NOX4: variants seen among roughly 807,000 people sequenced by gnomAD.
NOX4 encodes NADPH oxidase 4.
In NOX4, 69 loss-of-function variants were observed where a neutral mutation model predicts 87.6. The observed-to-expected ratio is 0.79, with a 90% CI of 0.65 to 0.96. The LOEUF (loss-of-function observed/expected upper bound fraction) is 0.96, where lower values mean the gene tolerates loss of function less well. Ranked by LOEUF, NOX4 falls within the 40% of genes least tolerant of loss-of-function variation. The pLI, the probability that NOX4 is intolerant of heterozygous loss-of-function variation, is 0.00. For missense variants in NOX4, 680 were observed against 681.5 expected, an observed-to-expected ratio of 1.00 and a Z score of 0.02; for synonymous variants, 275 against 238.2, an observed-to-expected ratio of 1.15 and a Z score of -1.42.
chr11:89,563,857 A>T, the NOX4 span, among the ~76,000 whole-genome samples: 1 of 152,188 alleles, frequency 6.6e-6, no homozygotes, highest in African/African-American at 2.4e-5. Context: ...AATAAATTTT[A>T]CAGTATTTCG....
At chr11:89,442,870 A>T (rs1357631808) in intron 5 of NOX4, among the ~76,000 whole-genome samples, 1 of 152,198 alleles carries the variant, frequency 6.6e-6, no homozygotes, top group African/African-American at 2.4e-5. Context: ...AAAAGAGAAG[A>T]AAAGAAGGAA....
intron 6 of NOX4, among the ~76,000 whole-genome samples, chr11:89,438,920 A>T (rs1172904527): frequency 1.7e-4 from 9 of 53,908 alleles, no homozygotes; most frequent in Admixed American, 4.0e-4. Context: ...ATAATATAAA[A>T]TATATATAAT....
chr11:89,332,794 T>A (rs1445663366), intron 17 of NOX4, among the ~76,000 whole-genome samples: 1 of 151,888 alleles, frequency 6.6e-6, no homozygotes, highest in East Asian at 1.9e-4. Context: ...TTTTGATAAA[T>A]CATTATATTT....
chr11:89,400,589 C>G (rs972469716), intron 9 of NOX4, among the ~76,000 whole-genome samples: 4 of 152,016 alleles, frequency 2.6e-5, no homozygotes, highest in East Asian at 1.9e-4. Context: ...AATATCAAGA[C>G]CCTACCCTCA....
At chr11:89,470,463 C>T (rs1333592026) in intron 2 of NOX4, among the ~76,000 whole-genome samples, 1 of 152,126 alleles carries the variant, frequency 6.6e-6, no homozygotes, top group Non-Finnish European at 1.5e-5. Context: ...AAGAGATGAT[C>T]CTTCAATGCC....
At chr11:89,520,514 T>C in the NOX4 span, among the ~76,000 whole-genome samples, 1 of 152,110 alleles carries the variant, frequency 6.6e-6, no homozygotes, top group East Asian at 1.9e-4. Flanking sequence ...TATTAGAACT[T>C]TTGAATGTGG....
chr11:89,502,419 A>G (rs1262391777), upstream of NOX4, among the ~76,000 whole-genome samples: 1 of 151,988 alleles, frequency 6.6e-6, no homozygotes, highest in Non-Finnish European at 1.5e-5. Context: ...CTGTTTCCCC[A>G]TTCATGAGAT....
At chr11:89,561,050 CATATATATATATAT>C in the NOX4 span, among the ~76,000 whole-genome samples, 34 of 28,552 alleles carry the variant, frequency 1.2e-3, 1 homozygote, top group South Asian at 5.9e-3. Context: ...ATATATCATA[CATATATATATATAT>C]ATATATATAT....
intron 6 of NOX4, among the ~76,000 whole-genome samples, chr11:89,438,787 ATAGTGT>A (rs1215782568): frequency 2.9e-4 from 3 of 10,358 alleles, no homozygotes; most frequent in African/African-American, 1.2e-3. Context: ...ATAATAATAT[ATAGTGT>A]ATAATATATT....
At chr11:89,572,543 G>GT in the NOX4 span, among the ~76,000 whole-genome samples, 54 of 151,994 alleles carry the variant, frequency 3.6e-4, no homozygotes, top group African/African-American at 1.2e-3. Flanking sequence ...TTGTTTGTTT[G>GT]TTTGTTTTGT....
the NOX4 span, among the ~76,000 whole-genome samples, chr11:89,542,062 C>T: frequency 6.6e-6 from 1 of 152,062 alleles, no homozygotes; most frequent in Non-Finnish European, 1.5e-5. Context: ...CCTCCTGCCT[C>T]AGCCTCCCAG....
At chr11:89,458,777 T>G (rs1053498061) in intron 2 of NOX4, among the ~76,000 whole-genome samples, 17 of 152,158 alleles carry the variant, frequency 1.1e-4, no homozygotes, top group African/African-American at 3.9e-4. Flanking sequence ...CCAGTCAGAA[T>G]GGCTATAATT....
the NOX4 span, among the ~76,000 whole-genome samples, chr11:89,586,351 A>G: frequency 1.3e-5 from 2 of 152,178 alleles, no homozygotes; most frequent in Non-Finnish European, 2.9e-5. Flanking sequence ...CATGCATTAT[A>G]TAATGTTAGT....
chr11:89,496,386 GAAT>G (rs1946950765), upstream of NOX4, among the ~76,000 whole-genome samples: 5 of 152,152 alleles, frequency 3.3e-5, no homozygotes, highest in Admixed American at 2.0e-4. Flanking sequence ...GAATAAAACT[GAAT>G]AATAATGAAT....
chr11:89,364,486 T>C (rs1938779810), intron 12 of NOX4, among the ~76,000 whole-genome samples: 1 of 152,048 alleles, frequency 6.6e-6, no homozygotes, highest in South Asian at 2.1e-4. Flanking sequence ...CTATCTTTTT[T>C]GCAAATATTA....
chr11:89,427,223 T>TCC (rs1211890422), intron 7 of NOX4, among the ~76,000 whole-genome samples: 1 of 152,012 alleles, frequency 6.6e-6, no homozygotes, highest in East Asian at 1.9e-4. Flanking sequence ...CTCATTCGCA[T>TCC]GTCACCATCA....
chr11:89,342,337 C>A, intron 13 of NOX4, 144 bp from the exon 14 acceptor site: 1 of 609,844 alleles, frequency 1.6e-6, no homozygotes, highest in Non-Finnish European at 2.8e-6. Context: ...AGTGATTAGC[C>A]TAAAGGAGTA....
intron 11 of NOX4, among the ~76,000 whole-genome samples, chr11:89,382,535 C>A (rs1382678732): frequency 6.6e-6 from 1 of 151,956 alleles, no homozygotes; most frequent in Admixed American, 6.6e-5. Context: ...CAAATCCTTC[C>A]TTCCCTCCCA....
At chr11:89,403,507 T>C (rs771955809) in intron 8 of NOX4, among the ~76,000 whole-genome samples, 2 of 152,124 alleles carry the variant, frequency 1.3e-5, no homozygotes, top group East Asian at 3.9e-4. Context: ...TACTTAATTT[T>C]AGTAGTTTAA....
Sources: gnomAD v4.1 joint callset for allele counts (sites outside exome capture counted in the v4.1 genomes callset) on GRCh38, gnomAD v4.1.1 for gene constraint, MANE v1.5 for transcripts, NCBI Gene and HGNC (gene_info 2026-07-23, HGNC 2026-07-21) for gene names.